The following ESPN variants were observed in gnomAD, a reference collection of about 807,000 sequenced individuals.
ESPN encodes the protein autosomal recessive deafness type 36 protein.
A neutral mutation model predicts 77.7 loss-of-function variants in ESPN; 68 were observed. The ratio of observed to expected loss-of-function variants is 0.87; its 90% CI spans 0.72 to 1.07. ESPN has a LOEUF of 1.07. ESPN is among the 50% of genes least tolerant of loss of function. ESPN has a pLI of 0.00. For missense variants in ESPN, 1,060 were observed against 1,239.0 expected, an observed-to-expected ratio of 0.86 and a Z score of 2.17; for synonymous variants, 449 against 567.1, an observed-to-expected ratio of 0.79 and a Z score of 2.96.
intron 1 of ESPN, among the ~76,000 whole-genome samples, chr1:6,425,902 G>A (rs1301640204): frequency 1.3e-5 from 2 of 152,240 alleles, no homozygotes; most frequent in East Asian, 3.9e-4. Flanking sequence ...CGGTGGGACA[G>A]TTCCAGGCAC....
chr1:6,440,611 G>GC lies in ESPN; in HGVS notation c.676-12dup. 1 of 677,126 alleles carries GC rather than the reference G, an allele frequency of 1.5e-6. No homozygotes were observed. The highest frequency in any genetic ancestry group is 2.2e-6 in the Non-Finnish European group (1 of 458,810). 41.9% of individuals were successfully genotyped at this position (677,126 alleles called of 1,614,324 possible). On this transcript the variant is annotated splice_polypyrimidine_tract_variant and intron_variant, in intron 3 of 12. Coordinates refer to ENST00000645284, the MANE Select transcript of ESPN (RefSeq NM_031475.3). ...GCCCAGCCCCCGCCCCCCTCTCCCC[G>GC]CCCGTCCCGCCCAGGTGAGCTGCAC... is the stretch of plus-strand genomic sequence containing the variant.
intron 2 of ESPN, among the ~76,000 whole-genome samples, chr1:6,434,574 C>T (rs576107149): frequency 1.0e-3 from 153 of 152,314 alleles, no homozygotes; most frequent in Non-Finnish European, 1.4e-3. Context: ...TGGACCTAAC[C>T]TGCCCTACCA....
At chr1:6,456,902 A>T (rs1001603008) in intron 10 of ESPN, among the ~76,000 whole-genome samples, 1 of 152,106 alleles carries the variant, frequency 6.6e-6, no homozygotes, top group Admixed American at 6.5e-5. Flanking sequence ...CTCTGCGGGG[A>T]ATCAGGCTCA....
chr1:6,456,322 G>A, intron 10 of ESPN: 1 of 387,048 alleles, frequency 2.6e-6, no homozygotes, highest in East Asian at 3.7e-5. Flanking sequence ...TGAGCAGCCC[G>A]GAGGGCCCAG....
In ESPN at chr1:6,439,805, C is replaced by T. The variant is rs1314688671; in HGVS notation, c.489-449C>T. On this transcript the variant is annotated intron_variant, in intron 2 of 12. Transcript: ENST00000645284. ...TGGGCGGATCACGAGGTCAGGAGTT[C>T]GAGACCAGCCTGGTCAACATGGTGA... Among the ~76,000 whole-genome samples the T allele has an allele frequency of 2.0e-5, 3 of 152,166 alleles. No homozygotes were observed. In the East Asian group the frequency reaches 5.8e-4, roughly 29 times the overall value.
At chr1:6,429,522 C>T (rs150638353) in intron 2 of ESPN, among the ~76,000 whole-genome samples, 4 of 152,130 alleles carry the variant, frequency 2.6e-5, no homozygotes, top group East Asian at 1.9e-4. Context: ...CCCACCCTCA[C>T]GGCGGTGATT....
chr1:6,442,571 T>TA (rs869219412), intron 5 of ESPN, among the ~76,000 whole-genome samples: 2,917 of 77,906 alleles, frequency 0.037, 109 homozygotes, highest in African/African-American at 0.11. Flanking sequence ...AGACTCCTTC[T>TA]AAAAAAAAAA....
chr1:6,429,910 A>G (rs1643179634), intron 2 of ESPN: 2 of 153,852 alleles, frequency 1.3e-5, no homozygotes, highest in Non-Finnish European at 2.9e-5. Flanking sequence ...GTCACCATGA[A>G]TCTCAGGGAG....
intron 7 of ESPN, among the ~76,000 whole-genome samples, chr1:6,446,716 G>A (rs2148529492): frequency 6.6e-6 from 1 of 152,314 alleles, no homozygotes; most frequent in South Asian, 2.1e-4. Flanking sequence ...AACAGAGCAA[G>A]GATGGTCTAA....
chr1:6,446,037 G>A, intron 7 of ESPN, 102 bp downstream of exon 7: 2 of 1,213,548 alleles, frequency 1.6e-6, no homozygotes, highest in Non-Finnish European at 2.4e-6. Flanking sequence ...ATAGGGTGGG[G>A]ATCCCTGGGT....
intron 5 of ESPN, among the ~76,000 whole-genome samples, chr1:6,441,859 T>TC (rs78466507): frequency 0.015 from 2,226 of 150,062 alleles, 41 homozygotes; most frequent in African/African-American, 0.046. Context: ...CCATCTGCCC[T>TC]CCCCCCCCCA....
At chr1:6,441,859 TCC>T (rs78466507) in intron 5 of ESPN, among the ~76,000 whole-genome samples, 18 of 149,982 alleles carry the variant, frequency 1.2e-4, no homozygotes, top group African/African-American at 4.4e-4. Context: ...CCATCTGCCC[TCC>T]CCCCCCCAGC....
intron 2 of ESPN, among the ~76,000 whole-genome samples, chr1:6,438,214 G>A (rs373648685): frequency 2.0e-5 from 3 of 152,184 alleles, no homozygotes; most frequent in East Asian, 3.9e-4. Flanking sequence ...GTGTCCTTCG[G>A]TGGTAACTGC....
intron 2 of ESPN, among the ~76,000 whole-genome samples, chr1:6,431,881 G>A (rs1643268895): frequency 6.6e-6 from 1 of 152,312 alleles, no homozygotes; most frequent in East Asian, 1.9e-4. Flanking sequence ...CCAGTGATAT[G>A]CTGGTGAACC....
At chr1:6,442,197 T>C (rs1388200210) in intron 5 of ESPN, among the ~76,000 whole-genome samples, 1 of 152,118 alleles carries the variant, frequency 6.6e-6, no homozygotes, top group African/African-American at 2.4e-5. Context: ...CAGCAAACAC[T>C]ATTCATTGGA....
chr1:6,449,080 C>G lies in ESPN; in HGVS notation c.1904C>G (p.Ser635Trp), dbSNP rs746444690. 2.7e-6 allele frequency: 4 copies of G among 1,484,652 alleles called. No individual in the cohort carries two copies. Among genetic ancestry groups the G allele is most frequent in the East Asian group, 2.9e-5 (1 of 35,016 alleles). 92.0% of individuals were successfully genotyped at this position (1,484,652 alleles called of 1,614,324 possible). A position where few individuals can be genotyped will look rare whatever the true frequency, so the allele number is the denominator to read the frequency against. Residue 635 changes from serine to tryptophan, a missense_variant, in exon 8 of 13, where the codon TCG becomes TGG. By Grantham distance (177) the Ser-to-Trp change is radical (BLOSUM62 -3). Coordinates refer to ENST00000645284, the MANE Select transcript of ESPN (RefSeq NM_031475.3). ...GPGCGQRRSS[S>W]STGSTKSFNM... ...GGCTGCGGGCAGCGCCGCTCCTCCT[C>G]GTCCACCGGCAGTGAGTAGGGGCAG... is the stretch of plus-strand genomic sequence containing the variant.
intron 2 of ESPN, among the ~76,000 whole-genome samples, chr1:6,439,775 T>C (rs903620836): frequency 6.6e-5 from 10 of 152,038 alleles, no homozygotes; most frequent in Non-Finnish European, 1.3e-4. Context: ...TTTGGGAGGC[T>C]GAGATGGGCG....
In ESPN at chr1:6,460,190, C is replaced by G. The variant is rs1223924563; in HGVS notation, c.*44C>G. The G allele has an allele frequency of 6.3e-7, 1 of 1,594,594 alleles. No individual in the cohort carries two copies. Among genetic ancestry groups the G allele is most frequent in the Non-Finnish European group, 8.6e-7 (1 of 1,167,764 alleles). On this transcript the variant is annotated 3_prime_UTR_variant, in exon 13 of 13. Transcript: ENST00000645284. Reference sequence around the variant, plus strand: ...CGCAGCCTCGCAGCTCCGTGGGGCCCTCCGCCCCAGCCCCAGCCAGCCAGG... The same window carrying G: ...CGCAGCCTCGCAGCTCCGTGGGGCCGTCCGCCCCAGCCCCAGCCAGCCAGG...
Position 6,428,234 on chromosome 1 carries a change from C to T in ESPN, c.303C>T (p.Asp101=), listed in dbSNP as rs1472673865. The change falls in exon 2 of 13, where the codon GAC becomes GAT. Residue 101 remains aspartate (D), a synonymous_variant. Transcript: ENST00000645284. The surrounding 1 kb of genome is among the most constrained non-coding windows in gnomAD (Gnocchi z 5.4). ...CAGCTCTCCTCCCACAGGACAAAGA[C>T]AATTCTGGTGCCACAGTCTTGCATC... The part of the protein sequence containing the change: ...SQGGCRVQDK[D]NSGATVLHLA... 1.2e-6 allele frequency: 2 copies of T among 1,613,516 alleles called. No homozygotes were observed. The highest frequency in any genetic ancestry group is 1.6e-4 in the Middle Eastern group (1 of 6,078).
Sources: gnomAD v4.1 joint callset for allele counts (sites outside exome capture counted in the v4.1 genomes callset) on GRCh38, gnomAD v4.1.1 for gene constraint, Gnocchi (gnomAD v3.1) non-coding constraint, MANE v1.5 for transcripts, NCBI Gene and HGNC (gene_info 2026-07-23, HGNC 2026-07-21) for gene names.